Variants in FAM135B observed in about 807,000 individuals in gnomAD.
FAM135B encodes family with sequence similarity 135 member B.
Under a neutral mutation model 127.7 loss-of-function variants are expected in FAM135B, and 43 were observed. That is an observed-to-expected ratio of 0.34 (90% CI 0.26 to 0.43). The LOEUF (loss-of-function observed/expected upper bound fraction) is 0.43, where lower values mean the gene tolerates loss of function less well. Ranked by LOEUF, FAM135B falls within the 20% of genes least tolerant of loss-of-function variation. FAM135B has a pLI of 1.00. For missense variants in FAM135B, 1,558 were observed against 1,725.6 expected (o/e 0.90, Z 1.72); for synonymous variants, 670 against 665.1 (o/e 1.01, Z -0.11).
At chr8:138,155,809 AC>A (rs1222984745) in intron 12 of FAM135B, among the ~76,000 whole-genome samples, 1 of 152,294 alleles carries the variant, frequency 6.6e-6, no homozygotes, top group Admixed American at 6.5e-5. Flanking sequence ...GTCCTTAGAG[AC>A]CTACAAAGAG....
chr8:138,255,734 G>C (rs899214979), intron 5 of FAM135B, among the ~76,000 whole-genome samples: 3 of 152,210 alleles, frequency 2.0e-5, no homozygotes, highest in Non-Finnish European at 4.4e-5. Context: ...GGGGCTGTGT[G>C]ACTGTCTTCT....
chr8:138,332,844 C>T (rs1037912455), intron 2 of FAM135B, among the ~76,000 whole-genome samples: 4 of 152,080 alleles, frequency 2.6e-5, no homozygotes, highest in Non-Finnish European at 5.9e-5. Flanking sequence ...CTGTGTGGTG[C>T]TTCTTCAGGG....
chr8:138,176,078 C>T (rs1814437819), intron 11 of FAM135B, among the ~76,000 whole-genome samples: 1 of 152,232 alleles, frequency 6.6e-6, no homozygotes, highest in Non-Finnish European at 1.5e-5. Flanking sequence ...AAACATAACT[C>T]TCTCAAGGAC....
At chr8:138,156,596 A>G (rs1042608187) in intron 12 of FAM135B, among the ~76,000 whole-genome samples, 7 of 152,282 alleles carry the variant, frequency 4.6e-5, no homozygotes, top group African/African-American at 1.7e-4. Context: ...TAGACACAAT[A>G]AAAAATGATA....
intron 3 of FAM135B, among the ~76,000 whole-genome samples, chr8:138,278,855 A>T (rs1479412756): frequency 6.6e-6 from 1 of 152,178 alleles, no homozygotes; most frequent in Non-Finnish European, 1.5e-5. Flanking sequence ...GGTTGTTGTG[A>T]GTATCAAATG....
chr8:138,274,070 A>G (rs1823611828), intron 3 of FAM135B, among the ~76,000 whole-genome samples: 1 of 152,070 alleles, frequency 6.6e-6, no homozygotes, highest in Non-Finnish European at 1.5e-5. Context: ...ATATTTCCCA[A>G]ATATGTTCCT....
At chr8:138,416,726 C>A (rs990994282) in intron 1 of FAM135B, among the ~76,000 whole-genome samples, 1 of 152,100 alleles carries the variant, frequency 6.6e-6, no homozygotes, top group African/African-American at 2.4e-5. Flanking sequence ...GGAAGAGCTT[C>A]TCCCACCAAG....
intron 11 of FAM135B, among the ~76,000 whole-genome samples, chr8:138,172,058 G>C (rs538249227): frequency 3.1e-4 from 47 of 152,312 alleles, no homozygotes; most frequent in Non-Finnish European, 5.4e-4. Context: ...GTGTTCTGTG[G>C]AGAATAAAGA....
chr8:138,246,413 C>T (rs998680839), intron 6 of FAM135B, among the ~76,000 whole-genome samples: 6 of 152,124 alleles, frequency 3.9e-5, no homozygotes, highest in African/African-American at 1.2e-4. Context: ...CCCTGTGTTC[C>T]AGCTGCTCCA....
intron 1 of FAM135B, among the ~76,000 whole-genome samples, chr8:138,401,033 G>A (rs1326675196): frequency 6.6e-6 from 1 of 152,156 alleles, no homozygotes; most frequent in East Asian, 1.9e-4. Flanking sequence ...GAGAGGCTTA[G>A]CAATCCTCTA....
At chr8:138,281,836 G>A (rs1586958741) in intron 3 of FAM135B, among the ~76,000 whole-genome samples, 1 of 151,986 alleles carries the variant, frequency 6.6e-6, no homozygotes, top group South Asian at 2.1e-4. Context: ...TTAGAGACAG[G>A]GTCTCACTCT....
intron 3 of FAM135B, among the ~76,000 whole-genome samples, chr8:138,292,477 CACAA>C (rs751120060): frequency 3.9e-5 from 6 of 151,950 alleles, no homozygotes; most frequent in Non-Finnish European, 5.9e-5. Context: ...GCAAAAAGAA[CACAA>C]ACAAAGGGAA....
chr8:138,191,834 C>T (rs1055009009), intron 9 of FAM135B, among the ~76,000 whole-genome samples: 15 of 152,192 alleles, frequency 9.9e-5, no homozygotes, highest in Admixed American at 3.9e-4. Flanking sequence ...AAGCCAAAGC[C>T]CCCATCATTT....
At chr8:138,415,382 T>C (rs1238755319) in intron 1 of FAM135B, among the ~76,000 whole-genome samples, 1 of 152,192 alleles carries the variant, frequency 6.6e-6, no homozygotes, top group Admixed American at 6.5e-5. Flanking sequence ...GAACTGACTC[T>C]GACCTCACAA....
chr8:138,176,416 C>T (rs920870734), intron 11 of FAM135B, among the ~76,000 whole-genome samples: 27 of 152,198 alleles, frequency 1.8e-4, no homozygotes, highest in African/African-American at 6.3e-4. Context: ...ATATATTCTC[C>T]CAGCTCTAGC....
chr8:138,210,018 A>T (rs1818017009), intron 7 of FAM135B, among the ~76,000 whole-genome samples: 1 of 152,186 alleles, frequency 6.6e-6, no homozygotes, highest in Non-Finnish European at 1.5e-5. Context: ...AATGGCCATC[A>T]GATAAATAAG....
chr8:138,173,330 A>G (rs906241918), intron 11 of FAM135B, among the ~76,000 whole-genome samples: 2 of 152,098 alleles, frequency 1.3e-5, no homozygotes, highest in African/African-American at 4.8e-5. Context: ...ATTTCACTTT[A>G]TTTCTTATCA....
At chr8:138,386,830 T>C (rs112839113) in intron 1 of FAM135B, among the ~76,000 whole-genome samples, 96 of 152,298 alleles carry the variant, frequency 6.3e-4, no homozygotes, top group African/African-American at 2.2e-3. Context: ...CAAGCATGTG[T>C]CAACCGCCAA....
chr8:138,411,593 A>G (rs1405537012), intron 1 of FAM135B, among the ~76,000 whole-genome samples: 2 of 152,178 alleles, frequency 1.3e-5, no homozygotes, highest in Non-Finnish European at 2.9e-5. Context: ...CTTCATGACT[A>G]AAACACCAAA....
Sources: gnomAD v4.1 joint callset for allele counts (sites outside exome capture counted in the v4.1 genomes callset) on GRCh38, gnomAD v4.1.1 for gene constraint, MANE v1.5 for transcripts, NCBI Gene and HGNC (gene_info 2026-07-23, HGNC 2026-07-21) for gene names.